The following THSD7A variants were observed in gnomAD, a reference collection of about 807,000 sequenced individuals.
THSD7A encodes the protein thrombospondin type 1 domain containing 7A.
THSD7A carries 96 observed loss-of-function variants against 231.3 expected under a neutral mutation model. That is an observed-to-expected ratio of 0.41 (90% CI 0.35 to 0.49). The LOEUF (loss-of-function observed/expected upper bound fraction) is 0.49. THSD7A is among the 20% of genes least tolerant of loss of function. The pLI, the probability that THSD7A is intolerant of heterozygous loss-of-function variation, is 0.05. For missense variants in THSD7A, 2,290 were observed against 2,070.2 expected (o/e 1.11, Z -2.06); for synonymous variants, 940 against 743.3 (o/e 1.26, Z -4.30).
chr7:11,455,135 CTTG>C (rs1785265551), intron 11 of THSD7A, among the ~76,000 whole-genome samples: 1 of 151,976 alleles, frequency 6.6e-6, no homozygotes, highest in South Asian at 2.1e-4. Context: ...CTCTCTCTGC[CTTG>C]TTTTTTCTCT....
At chr7:11,504,567 C>G (rs1395741914) in intron 6 of THSD7A, among the ~76,000 whole-genome samples, 1 of 152,096 alleles carries the variant, frequency 6.6e-6, no homozygotes, top group South Asian at 2.1e-4. Flanking sequence ...ATAATCTGGC[C>G]TACAAAGTGG....
At chr7:11,381,365 GA>G (rs1179783722) in intron 24 of THSD7A, among the ~76,000 whole-genome samples, 2 of 151,990 alleles carry the variant, frequency 1.3e-5, no homozygotes, top group African/African-American at 4.8e-5. Flanking sequence ...ATCTTCACAA[GA>G]AAAAAATTGA....
At chr7:11,710,098 T>TA (rs1562493895) in intron 1 of THSD7A, among the ~76,000 whole-genome samples, 2 of 150,574 alleles carry the variant, frequency 1.3e-5, no homozygotes, top group African/African-American at 4.9e-5. Context: ...CTATTTTTTT[T>TA]TAAAAAATGA....
intron 1 of THSD7A, among the ~76,000 whole-genome samples, chr7:11,745,294 G>GT (rs1455830174): frequency 6.6e-6 from 1 of 151,836 alleles, no homozygotes; most frequent in Non-Finnish European, 1.5e-5. Flanking sequence ...GGGGTTGTTT[G>GT]TTTTTTTCTT....
At chr7:11,489,858 A>G (rs887292103) in intron 6 of THSD7A, among the ~76,000 whole-genome samples, 3 of 152,066 alleles carry the variant, frequency 2.0e-5, no homozygotes, top group African/African-American at 4.8e-5. Flanking sequence ...TATTCAATTT[A>G]TAATGATATA....
chr7:11,570,244 G>A (rs766180252), intron 4 of THSD7A, among the ~76,000 whole-genome samples: 1 of 152,070 alleles, frequency 6.6e-6, no homozygotes, highest in Non-Finnish European at 1.5e-5. Flanking sequence ...AATAAGCCAG[G>A]CACAGAAGGA....
At chr7:11,582,685 G>A (rs189331540) in intron 4 of THSD7A, among the ~76,000 whole-genome samples, 7 of 152,064 alleles carry the variant, frequency 4.6e-5, no homozygotes, top group Non-Finnish European at 7.4e-5. Context: ...ATAATTCTAC[G>A]TTGCCAGTTA....
At chr7:11,624,073 TGGTTATA>T (rs1781402225) in intron 2 of THSD7A, among the ~76,000 whole-genome samples, 1 of 152,174 alleles carries the variant, frequency 6.6e-6, no homozygotes. Context: ...GGTTGGAGGC[TGGTTATA>T]GGCAGACATC....
chr7:11,786,759 TAAAAAAAA>T lies in THSD7A; in HGVS notation c.190+44990_190+44997del, dbSNP rs58923353. 2.8e-5 allele frequency among the ~76,000 whole-genome samples: 3 copies of T among 108,678 alleles called. No homozygotes were observed. The East Asian group carries it at 7.0e-4, about 25-fold the overall frequency. The allele number at this position is 108,678 out of a possible 152,430, so 71.3% of individuals were successfully genotyped here. ...TACCCTAAAACTTAGAGTATAATAA[TAAAAAAAA>T]AAAAAAAAAAAAAGAAAAACCAATG... On this transcript the variant is annotated intron_variant, in intron 1 of 27. Transcript: ENST00000423059.
intron 1 of THSD7A, among the ~76,000 whole-genome samples, chr7:11,745,819 C>G (rs989372282): frequency 2.0e-5 from 3 of 152,010 alleles, no homozygotes; most frequent in Admixed American, 2.0e-4. Flanking sequence ...TGTTTTGGTA[C>G]CAGTACCATG....
At chr7:11,684,287 G>C (rs902223875) in intron 1 of THSD7A, among the ~76,000 whole-genome samples, 7 of 151,628 alleles carry the variant, frequency 4.6e-5, no homozygotes, top group African/African-American at 1.7e-4. Flanking sequence ...ATACTGAACA[G>C]GCAAAAGTTG....
chr7:11,636,990 A>C lies in THSD7A; in HGVS notation c.191-29T>G, dbSNP rs755907120. 10 of 1,568,854 alleles carry C rather than the reference A, an allele frequency of 6.4e-6. No individual in the cohort carries two copies. Among genetic ancestry groups the C allele is most frequent in the Non-Finnish European group, 7.7e-6 (9 of 1,161,480 alleles). The stretch of plus-strand genomic sequence containing the variant: ...CAAAAATTATAACACAAAAATTAGC[A>C]GTGCTACTAGAAGAAAACTACAAGT... On this transcript the variant is annotated intron_variant, in intron 1 of 27. Transcript: ENST00000423059. This position sits in a 1 kb window ranked among gnomAD's most constrained non-coding sequence, Gnocchi z 10.0.
At chr7:11,758,730 A>G (rs1314477475) in intron 1 of THSD7A, among the ~76,000 whole-genome samples, 1 of 152,124 alleles carries the variant, frequency 6.6e-6, no homozygotes, top group African/African-American at 2.4e-5. Context: ...CTATCTTTAA[A>G]GGAATGGATG....
chr7:11,719,275 G>A (rs988310814), intron 1 of THSD7A, among the ~76,000 whole-genome samples: 8 of 151,260 alleles, frequency 5.3e-5, no homozygotes, highest in African/African-American at 1.9e-4. Flanking sequence ...CCCACCCTAC[G>A]CCCTTGGAGT....
intron 1 of THSD7A, among the ~76,000 whole-genome samples, chr7:11,692,473 G>A (rs201896490): frequency 2.6e-5 from 4 of 151,408 alleles, no homozygotes; most frequent in East Asian, 3.9e-4. Context: ...CTTAACAACC[G>A]AATTTTAAAA....
intron 2 of THSD7A, among the ~76,000 whole-genome samples, chr7:11,600,044 C>T (rs1438663711): frequency 6.6e-6 from 1 of 151,934 alleles, no homozygotes; most frequent in African/African-American, 2.4e-5. Context: ...CTCGGACTGG[C>T]TCTCCTAGCT....
At chr7:11,661,877 G>A (rs1236232739) in intron 1 of THSD7A, among the ~76,000 whole-genome samples, 1 of 151,216 alleles carries the variant, frequency 6.6e-6, no homozygotes, top group Non-Finnish European at 1.5e-5. Context: ...TGGAAGACAA[G>A]ATAAACAGAG....
chr7:11,612,362 T>A (rs1415023983), intron 2 of THSD7A, among the ~76,000 whole-genome samples: 1 of 152,160 alleles, frequency 6.6e-6, no homozygotes, highest in African/African-American at 2.4e-5. Flanking sequence ...GTCTCCTCAT[T>A]AGGTACAAAT....
At chr7:11,767,076 C>T (rs1191580555) in intron 1 of THSD7A, among the ~76,000 whole-genome samples, 1 of 152,002 alleles carries the variant, frequency 6.6e-6, no homozygotes, top group Non-Finnish European at 1.5e-5. Flanking sequence ...GGTGTGTGTA[C>T]ATGCATGTGC....
Sources: allele counts gnomAD v4.1 joint callset (sites outside exome capture counted in the v4.1 genomes callset), GRCh38; gene constraint gnomAD v4.1.1; non-coding constraint Gnocchi (gnomAD v3.1); transcripts MANE v1.5; gene names NCBI Gene and HGNC (gene_info 2026-07-23, HGNC 2026-07-21).